SEMA3D: variants seen among roughly 807,000 people sequenced by gnomAD.
The protein encoded by SEMA3D is semaphorin 3D.
Under a neutral mutation model 100.1 loss-of-function variants are expected in SEMA3D, and 84 were observed. The ratio of observed to expected loss-of-function variants is 0.84; its 90% CI spans 0.70 to 1.01. SEMA3D has a LOEUF of 1.01. Among genes scored for constraint, SEMA3D ranks in the 50% least tolerant of loss-of-function variants. SEMA3D has a pLI of 0.00. For synonymous variants in SEMA3D, 312 were observed against 320.7 expected, an observed-to-expected ratio of 0.97 and a Z score of 0.29; for missense variants, 875 against 934.1, an observed-to-expected ratio of 0.94 and a Z score of 0.82.
chr7:85,009,017 C>T (rs1177338606), intron 17 of SEMA3D, among the ~76,000 whole-genome samples: 1 of 151,628 alleles, frequency 6.6e-6, no homozygotes, highest in Non-Finnish European at 1.5e-5. Flanking sequence ...AATGCGGAAT[C>T]CAAAAACCTT....
intron 5 of SEMA3D, among the ~76,000 whole-genome samples, chr7:85,076,511 A>G (rs1288649190): frequency 2.0e-5 from 3 of 152,226 alleles, no homozygotes; most frequent in African/African-American, 4.8e-5. Context: ...AAATAGAAGT[A>G]CTTGTAATTC....
chr7:85,026,700 C>G (rs1790399626), intron 12 of SEMA3D, among the ~76,000 whole-genome samples: 1 of 151,992 alleles, frequency 6.6e-6, no homozygotes, highest in Non-Finnish European at 1.5e-5. Flanking sequence ...TTTTAAAACT[C>G]TTACTTAATG....
At chr7:85,194,880 C>T in the SEMA3D span, among the ~76,000 whole-genome samples, 1 of 152,112 alleles carries the variant, frequency 6.6e-6, no homozygotes, top group African/African-American at 2.4e-5. Flanking sequence ...TCCTAATCTC[C>T]TCTTCTTATA....
intron 2 of SEMA3D, chr7:85,151,598 CGTGTGTGTGT>C (rs57024733): frequency 9.3e-4 from 794 of 850,334 alleles, no homozygotes; most frequent in South Asian, 1.2e-3. Flanking sequence ...TGTGTGTATG[CGTGTGTGTGT>C]GTGTGTGTGT....
chr7:85,133,700 T>C (rs1789787237), intron 2 of SEMA3D, among the ~76,000 whole-genome samples: 1 of 152,040 alleles, frequency 6.6e-6, no homozygotes, highest in Admixed American at 6.6e-5. Flanking sequence ...TTGTTACTTA[T>C]CAACTTTATC....
intron 18 of SEMA3D, among the ~76,000 whole-genome samples, chr7:85,002,010 C>T (rs533808701): frequency 2.8e-4 from 42 of 152,158 alleles, no homozygotes; most frequent in African/African-American, 1.0e-3. Context: ...TCTCTTTAAT[C>T]TTCTGACAGG....
chr7:85,155,505 T>C (rs540169161), intron 1 of SEMA3D, among the ~76,000 whole-genome samples: 2 of 152,266 alleles, frequency 1.3e-5, no homozygotes, highest in East Asian at 1.9e-4. Context: ...TGAAACTTAA[T>C]GTATTTCCAA....
At chr7:85,082,268 G>A (rs897406177) in intron 4 of SEMA3D, among the ~76,000 whole-genome samples, 1 of 152,116 alleles carries the variant, frequency 6.6e-6, no homozygotes, top group Admixed American at 6.6e-5. Context: ...TGAACTGGGG[G>A]GGTCTCAACC....
At chr7:85,020,406 C>G (rs978104086) in intron 13 of SEMA3D, 85 bp from the exon 14 acceptor site, 1 of 849,676 alleles carries the variant, frequency 1.2e-6, no homozygotes, top group Non-Finnish European at 1.9e-6. Context: ...GCAAATCATT[C>G]CCCTCACTTC....
At chr7:85,036,779 A>G in intron 12 of SEMA3D, 110 bp downstream of exon 12, 1 of 807,228 alleles carries the variant, frequency 1.2e-6, no homozygotes, top group African/African-American at 1.8e-5. Context: ...CTGCAAATAA[A>G]TGTTATTACA....
the SEMA3D span, among the ~76,000 whole-genome samples, chr7:85,211,624 T>C: frequency 2.6e-5 from 4 of 151,984 alleles, no homozygotes; most frequent in African/African-American, 9.7e-5. Context: ...AATAAAAGCC[T>C]AAATAGACAA....
At chr7:85,046,943 G>A (rs754017460) in intron 9 of SEMA3D, among the ~76,000 whole-genome samples, 1 of 151,800 alleles carries the variant, frequency 6.6e-6, no homozygotes, top group Non-Finnish European at 1.5e-5. Flanking sequence ...ACTTCTGTGG[G>A]TCTCTACACT....
At chr7:85,062,811 A>G (rs887684458) in intron 8 of SEMA3D, among the ~76,000 whole-genome samples, 1 of 152,188 alleles carries the variant, frequency 6.6e-6, no homozygotes, top group Admixed American at 6.6e-5. Context: ...TAGTTACAGG[A>G]AAAGGTTGGA....
At chr7:85,202,300 TA>T in the SEMA3D span, among the ~76,000 whole-genome samples, 1 of 148,658 alleles carries the variant, frequency 6.7e-6, no homozygotes, top group South Asian at 2.2e-4. Flanking sequence ...TGAGTGAGAA[TA>T]TGAGGTGTTT....
At chr7:85,179,828 A>AT (rs1402173688) in intron 1 of SEMA3D, among the ~76,000 whole-genome samples, 2 of 151,892 alleles carry the variant, frequency 1.3e-5, no homozygotes, top group African/African-American at 4.8e-5. Flanking sequence ...TGCCTGGCTA[A>AT]TTTTTTGTAT....
At chr7:85,121,977 T>C in intron 2 of SEMA3D, 46 bp from the exon 3 acceptor site, 2 of 987,744 alleles carry the variant, frequency 2.0e-6, no homozygotes, top group Non-Finnish European at 2.9e-6. Flanking sequence ...ATCAGCAAAC[T>C]GACACAGGAA....
intron 5 of SEMA3D, 38 bp downstream of exon 5, chr7:85,081,479 A>G (rs747330175): frequency 2.3e-6 from 3 of 1,311,430 alleles, no homozygotes; most frequent in Non-Finnish European, 3.3e-6. Context: ...ATATCAGTAG[A>G]AGTTTTACAA....
At chr7:85,142,509 A>G in intron 2 of SEMA3D, 1 of 983,850 alleles carries the variant, frequency 1.0e-6, no homozygotes, top group East Asian at 1.1e-4. Flanking sequence ...TTTTTATTTA[A>G]TCATTCTCCA....
At position 84,999,282 on chromosome 7, in the gene SEMA3D, C is replaced by T; in HGVS notation, c.*158G>A. On this transcript the variant is annotated 3_prime_UTR_variant, in exon 19 of 19. Coordinates refer to ENST00000284136, the MANE Select transcript of SEMA3D (RefSeq NM_001384900.1). ...AACTGGTTCAAATGAATTTTTTGCC[C>T]TTTCTTATATTCATCACATATTGTC... 3.2e-6 allele frequency: 2 copies of T among 619,744 alleles called. No homozygotes were observed. The highest frequency in any genetic ancestry group is 5.4e-6 in the Non-Finnish European group (2 of 372,460). The allele number at this position is 619,744 out of a possible 1,614,324, so 38.4% of individuals were successfully genotyped here.
Sources: gnomAD v4.1 joint callset for allele counts (sites outside exome capture counted in the v4.1 genomes callset) on GRCh38, gnomAD v4.1.1 for gene constraint, MANE v1.5 for transcripts, NCBI Gene and HGNC (gene_info 2026-07-23, HGNC 2026-07-21) for gene names.